The following PTPRK variants were observed in gnomAD, a reference collection of about 807,000 sequenced individuals.
The protein encoded by PTPRK is protein tyrosine phosphatase receptor type K, also known as receptor-type tyrosine-protein phosphatase kappa.
In PTPRK, 75 loss-of-function variants were observed where a neutral mutation model predicts 178.0. The observed-to-expected ratio is 0.42, with a 90% CI of 0.35 to 0.51. The LOEUF (loss-of-function observed/expected upper bound fraction) is 0.51. Ranked by LOEUF, PTPRK falls within the 20% of genes least tolerant of loss-of-function variation. The pLI is 0.02. For missense variants in PTPRK, 1,441 were observed against 1,797.8 expected (o/e 0.80, Z 3.59); for synonymous variants, 637 against 620.6 (o/e 1.03, Z -0.39).
At position 128,461,162 on chromosome 6, in the gene PTPRK, C is replaced by T. The variant is rs9398871; in HGVS notation, c.100+59097G>A. ...ATTGTCAAGATTTGTTAGGAAAAAACATATTTATACATTTGTAGTATAGAT... is the reference window on the plus strand; with the variant it reads ...ATTGTCAAGATTTGTTAGGAAAAAATATATTTATACATTTGTAGTATAGAT... On this transcript the variant is annotated intron_variant, in intron 1 of 29. Transcript: ENST00000368226. 2.6e-4 allele frequency among the ~76,000 whole-genome samples: 40 copies of T among 152,074 alleles called. No individual in the cohort carries two copies. The East Asian group carries it at 7.3e-3, about 28-fold the overall frequency.
At chr6:128,247,539 G>A (rs971581715) in intron 3 of PTPRK, among the ~76,000 whole-genome samples, 1 of 151,804 alleles carries the variant, frequency 6.6e-6, no homozygotes, top group Non-Finnish European at 1.5e-5. Flanking sequence ...GGCTGGTCTC[G>A]AACTCCTAGC....
intron 7 of PTPRK, among the ~76,000 whole-genome samples, chr6:128,164,445 C>T (rs1216867007): frequency 6.6e-6 from 1 of 151,286 alleles, no homozygotes; most frequent in East Asian, 1.9e-4. Context: ...TTGTATATGA[C>T]ATCACTATTA....
intron 1 of PTPRK, among the ~76,000 whole-genome samples, chr6:128,471,443 GA>G (rs1347187400): frequency 2.6e-5 from 4 of 151,224 alleles, no homozygotes; most frequent in Admixed American, 2.6e-4. Flanking sequence ...TCCTGTTCCA[GA>G]AAAAAATAAT....
At chr6:128,508,980 C>T (rs1343304722) in intron 1 of PTPRK, among the ~76,000 whole-genome samples, 3 of 151,110 alleles carry the variant, frequency 2.0e-5, no homozygotes, top group African/African-American at 7.3e-5. Context: ...GAAAAGAAAA[C>T]GAAAAAATTT....
chr6:128,363,739 G>C (rs1286780041), intron 2 of PTPRK, among the ~76,000 whole-genome samples: 1 of 152,096 alleles, frequency 6.6e-6, no homozygotes, highest in Admixed American at 6.6e-5. Context: ...TCATAGCTAA[G>C]TAAAAATATT....
At chr6:128,188,620 A>T (rs972891924) in intron 6 of PTPRK, among the ~76,000 whole-genome samples, 1 of 152,320 alleles carries the variant, frequency 6.6e-6, no homozygotes. Context: ...GGCTGCTGCA[A>T]CAAATTACTA....
chr6:128,270,879 G>A (rs952858610), intron 3 of PTPRK, among the ~76,000 whole-genome samples: 4 of 152,030 alleles, frequency 2.6e-5, no homozygotes, highest in Non-Finnish European at 5.9e-5. Flanking sequence ...GGCATTAAGA[G>A]ACCAATGCTT....
At chr6:128,354,009 T>A (rs1437698750) in intron 2 of PTPRK, among the ~76,000 whole-genome samples, 3 of 152,168 alleles carry the variant, frequency 2.0e-5, no homozygotes, top group Non-Finnish European at 4.4e-5. Flanking sequence ...CTCCCTGTAT[T>A]CTTTCTTATA....
chr6:128,311,873 C>T (rs1186305419), intron 3 of PTPRK, among the ~76,000 whole-genome samples: 3 of 152,052 alleles, frequency 2.0e-5, no homozygotes, highest in Non-Finnish European at 4.4e-5. Flanking sequence ...CTTTTCCTTC[C>T]CATTTAAGGG....
chr6:128,370,590 T>C (rs1372691156), intron 2 of PTPRK, among the ~76,000 whole-genome samples: 1 of 152,130 alleles, frequency 6.6e-6, no homozygotes, highest in Non-Finnish European at 1.5e-5. Context: ...ATTACTTTTC[T>C]CATAAAAAAT....
chr6:128,255,581 A>G (rs1375637007), intron 3 of PTPRK, among the ~76,000 whole-genome samples: 1 of 152,242 alleles, frequency 6.6e-6, no homozygotes, highest in Non-Finnish European at 1.5e-5. Flanking sequence ...GAGATATTTA[A>G]CCTGTTTAAC....
intron 7 of PTPRK, among the ~76,000 whole-genome samples, chr6:128,154,272 T>A (rs1797675710): frequency 6.6e-6 from 1 of 151,632 alleles, no homozygotes; most frequent in African/African-American, 2.4e-5. Flanking sequence ...AATGAAGGCA[T>A]AACAAATATG....
chr6:128,202,740 C>T (rs946507369), intron 6 of PTPRK, among the ~76,000 whole-genome samples: 2 of 152,176 alleles, frequency 1.3e-5, no homozygotes, highest in Non-Finnish European at 2.9e-5. Context: ...ATGACAAATT[C>T]TGAAATTGAG....
At chr6:128,363,758 A>T (rs1835090813) in intron 2 of PTPRK, among the ~76,000 whole-genome samples, 2 of 152,138 alleles carry the variant, frequency 1.3e-5, no homozygotes, top group African/African-American at 2.4e-5. Flanking sequence ...TTCTCAAAAC[A>T]ACTCAAATAG....
At chr6:128,088,996 C>T (rs984745962) in intron 8 of PTPRK, among the ~76,000 whole-genome samples, 1 of 152,080 alleles carries the variant, frequency 6.6e-6, no homozygotes, top group Non-Finnish European at 1.5e-5. Flanking sequence ...GAGTTTTGCT[C>T]TTGTTGCCCA....
At chr6:128,019,833 G>A (rs1320240172) in intron 13 of PTPRK, among the ~76,000 whole-genome samples, 2 of 152,124 alleles carry the variant, frequency 1.3e-5, no homozygotes, top group African/African-American at 4.8e-5. Flanking sequence ...GGAGTGCCTT[G>A]GTGACTGTGT....
chr6:128,268,134 T>G (rs1819241884), intron 3 of PTPRK, among the ~76,000 whole-genome samples: 1 of 152,022 alleles, frequency 6.6e-6, no homozygotes, highest in South Asian at 2.1e-4. Flanking sequence ...ATTCAGTTAT[T>G]ATGAAATAAT....
At chr6:128,440,348 T>C (rs941394561) in intron 1 of PTPRK, among the ~76,000 whole-genome samples, 1 of 152,326 alleles carries the variant, frequency 6.6e-6, no homozygotes, top group African/African-American at 2.4e-5. Flanking sequence ...TTCAATGCTA[T>C]GCAATTGCTT....
intron 11 of PTPRK, among the ~76,000 whole-genome samples, chr6:128,068,689 A>AT (rs1303648877): frequency 6.6e-6 from 1 of 151,262 alleles, no homozygotes; most frequent in Non-Finnish European, 1.5e-5. Context: ...TTACGTTAAA[A>AT]TTTTTTCAGG....
Sources: gnomAD v4.1 joint callset for allele counts (sites outside exome capture counted in the v4.1 genomes callset) on GRCh38, gnomAD v4.1.1 for gene constraint, MANE v1.5 for transcripts, NCBI Gene and HGNC (gene_info 2026-07-23, HGNC 2026-07-21) for gene names.